The following CSMD3 variants were observed in gnomAD, a reference collection of about 807,000 sequenced individuals.
CSMD3 encodes CUB and Sushi multiple domains 3, also known as CUB and sushi domain-containing protein 3.
In CSMD3, 177 loss-of-function variants were observed where a neutral mutation model predicts 435.2. The observed-to-expected ratio is 0.41, with a 90% CI of 0.36 to 0.46. The LOEUF is 0.46. CSMD3 is among the 20% of genes least tolerant of loss of function. The probability of loss-of-function intolerance (pLI) is 0.34; values close to 1 mark genes in which losing one functional copy is unlikely to be tolerated. For missense variants in CSMD3, 4,265 were observed against 4,504.6 expected (o/e 0.95, Z 1.52); for synonymous variants, 1,656 against 1,520.5 (o/e 1.09, Z -2.07).
chr8:113,032,331 T>G (rs1259156857), intron 5 of CSMD3, among the ~76,000 whole-genome samples: 1 of 151,558 alleles, frequency 6.6e-6, no homozygotes, highest in Non-Finnish European at 1.5e-5. Flanking sequence ...GATAGTACTA[T>G]GGACAATGAA....
chr8:112,535,293 T>A (rs1254531585), intron 27 of CSMD3, among the ~76,000 whole-genome samples: 15 of 152,068 alleles, frequency 9.9e-5, no homozygotes. Context: ...GCCCCAAATC[T>A]CCTTAAGCTG....
intron 50 of CSMD3, among the ~76,000 whole-genome samples, chr8:112,309,621 C>A (rs77342082): frequency 5.9e-5 from 9 of 152,130 alleles, no homozygotes; most frequent in Admixed American, 3.9e-4. Context: ...ATCTATTCTG[C>A]ATGAAGTAAA....
chr8:112,460,583 T>C (rs1232841691), intron 32 of CSMD3, among the ~76,000 whole-genome samples: 3 of 152,076 alleles, frequency 2.0e-5, no homozygotes, highest in Non-Finnish European at 2.9e-5. Context: ...TGTCCAGATA[T>C]TGATTTCATT....
chr8:112,260,668 T>C (rs1181700314), intron 61 of CSMD3, among the ~76,000 whole-genome samples: 2 of 152,234 alleles, frequency 1.3e-5, no homozygotes, highest in East Asian at 3.9e-4. Flanking sequence ...GGAGAAGACC[T>C]GGAGTATCTA....
chr8:113,332,399 C>T (rs1037320992), intron 1 of CSMD3, among the ~76,000 whole-genome samples: 1 of 149,554 alleles, frequency 6.7e-6, no homozygotes, highest in Non-Finnish European at 1.5e-5. Flanking sequence ...AAAAAACACA[C>T]TAAAAACTGT....
chr8:113,216,130 T>G (rs2092902525), intron 3 of CSMD3, among the ~76,000 whole-genome samples: 1 of 151,782 alleles, frequency 6.6e-6, no homozygotes, highest in Admixed American at 6.6e-5. Context: ...AGTTGTTTGC[T>G]GAATATGTTT....
intron 31 of CSMD3, among the ~76,000 whole-genome samples, chr8:112,473,048 A>T (rs1818685619): frequency 1.3e-5 from 2 of 152,190 alleles, no homozygotes; most frequent in Admixed American, 1.3e-4. Context: ...TGCAAGTGGG[A>T]AATTGTTTTA....
chr8:113,087,322 ACC>A (rs2089827844), intron 5 of CSMD3, among the ~76,000 whole-genome samples: 1 of 151,832 alleles, frequency 6.6e-6, no homozygotes, highest in South Asian at 2.1e-4. Context: ...CCATCAAGCT[ACC>A]AATGACTTTC....
chr8:112,241,960 C>T (rs539930939), intron 65 of CSMD3, among the ~76,000 whole-genome samples, 175 bp from the exon 66 acceptor site: 2 of 152,154 alleles, frequency 1.3e-5, no homozygotes, highest in South Asian at 2.1e-4. Context: ...TCTCAGTCCC[C>T]TACTCAGCAC....
chr8:113,016,756 T>C (rs903527591), intron 6 of CSMD3, among the ~76,000 whole-genome samples: 5 of 151,860 alleles, frequency 3.3e-5, no homozygotes, highest in African/African-American at 1.2e-4. Flanking sequence ...AATGAAATAG[T>C]AGCATGGAAC....
intron 3 of CSMD3, among the ~76,000 whole-genome samples, chr8:113,199,767 T>C (rs1413849132): frequency 6.6e-6 from 1 of 151,818 alleles, no homozygotes; most frequent in Non-Finnish European, 1.5e-5. Context: ...TTCATCACTA[T>C]GGAAATTATA....
chr8:112,397,305 T>C (rs2129852583), intron 35 of CSMD3, among the ~76,000 whole-genome samples: 1 of 152,356 alleles, frequency 6.6e-6, no homozygotes, highest in South Asian at 2.1e-4. Context: ...ATAGACCCCA[T>C]ATATCCATCT....
chr8:113,161,324 T>C (rs2092035064), intron 4 of CSMD3, among the ~76,000 whole-genome samples: 3 of 152,158 alleles, frequency 2.0e-5, no homozygotes, highest in Admixed American at 2.0e-4. Context: ...GTTTACTAGG[T>C]TGTAATATCT....
intron 45 of CSMD3, among the ~76,000 whole-genome samples, chr8:112,332,967 A>G (rs570403037): frequency 1.1e-4 from 16 of 152,278 alleles, no homozygotes; most frequent in Middle Eastern, 6.8e-3. Context: ...TTTTTGACCA[A>G]TGATTTTATA....
At chr8:112,699,300 C>T (rs1587002578) in intron 13 of CSMD3, among the ~76,000 whole-genome samples, 2 of 152,096 alleles carry the variant, frequency 1.3e-5, no homozygotes, top group African/African-American at 2.4e-5. Flanking sequence ...ACTCCGGACA[C>T]GTCTGAACAT....
rs1227643347 is a variant in CSMD3 at position 112,780,607 on chromosome 8, C to T, written c.1972+19555G>A. On this transcript the variant is annotated intron_variant, in intron 13 of 70. Transcript: ENST00000297405. ...CAGCCTTGCACTGCCTACACCACAC[C>T]TCCCACATCGTCCAGCAGCAGTGGG... Among the ~76,000 whole-genome samples the T allele has an allele frequency of 2.0e-5, 3 of 152,078 alleles. No individual in the cohort carries two copies. In the East Asian group the frequency reaches 5.8e-4, roughly 30 times the overall value.
intron 10 of CSMD3, among the ~76,000 whole-genome samples, chr8:112,876,432 A>T (rs567526931): frequency 1.3e-5 from 2 of 152,182 alleles, no homozygotes; most frequent in Non-Finnish European, 2.9e-5. Context: ...AAAATTCTCA[A>T]TAAAATACTG....
intron 32 of CSMD3, among the ~76,000 whole-genome samples, chr8:112,464,760 T>C (rs888110589): frequency 1.3e-5 from 2 of 152,194 alleles, no homozygotes; most frequent in African/African-American, 4.8e-5. Context: ...ATGCACCACT[T>C]AGCAAACCTT....
chr8:112,683,409 C>T (rs1452481898), intron 15 of CSMD3, among the ~76,000 whole-genome samples: 1 of 151,938 alleles, frequency 6.6e-6, no homozygotes, highest in Non-Finnish European at 1.5e-5. Flanking sequence ...CCTATTGTAT[C>T]TTGGCTTATT....
Sources: allele counts gnomAD v4.1 joint callset (sites outside exome capture counted in the v4.1 genomes callset), GRCh38; gene constraint gnomAD v4.1.1; transcripts MANE v1.5; gene names NCBI Gene and HGNC (gene_info 2026-07-23, HGNC 2026-07-21).